NCOR2: variants seen among roughly 807,000 people sequenced by gnomAD.
The protein encoded by NCOR2 is CTG repeat protein 26.
A neutral mutation model predicts 262.9 loss-of-function variants in NCOR2; 81 were observed. The ratio of observed to expected loss-of-function variants is 0.31; its 90% CI spans 0.26 to 0.37. The LOEUF is 0.37. Among genes scored for constraint, NCOR2 ranks in the 10% least tolerant of loss-of-function variants. The pLI, the probability that NCOR2 is intolerant of heterozygous loss-of-function variation, is 1.00. For missense variants in NCOR2, 3,385 were observed against 3,621.4 expected (o/e 0.93, Z 1.68); for synonymous variants, 1,659 against 1,559.3 (o/e 1.06, Z -1.51).
chr12:124,391,960 C>T (rs1489034351), intron 16 of NCOR2, among the ~76,000 whole-genome samples: 1 of 152,226 alleles, frequency 6.6e-6, no homozygotes, highest in East Asian at 1.9e-4. Flanking sequence ...GCCCTGTGTC[C>T]ACCGCAGTGG....
At chr12:124,347,488 C>T (rs558625907) in intron 30 of NCOR2, 1 of 315,448 alleles carries the variant, frequency 3.2e-6, no homozygotes, top group East Asian at 5.6e-5. Flanking sequence ...TCTCGGAGCT[C>T]TCCAAGCCTC....
intron 17 of NCOR2, among the ~76,000 whole-genome samples, chr12:124,382,908 C>G (rs873206): frequency 0.43 from 66,054 of 152,146 alleles, 16,516 homozygotes; most frequent in Middle Eastern, 0.57. Flanking sequence ...GAGGTGGAAA[C>G]TGAAGCACGG....
At chr12:124,447,694 C>CT (rs201698986) in intron 7 of NCOR2, among the ~76,000 whole-genome samples, 15 of 148,352 alleles carry the variant, frequency 1.0e-4, no homozygotes, top group Admixed American at 3.3e-4. Flanking sequence ...TTTTTTCTTT[C>CT]TTTCTTTTTT....
intron 13 of NCOR2, among the ~76,000 whole-genome samples, chr12:124,413,084 G>C (rs982975037): frequency 6.6e-6 from 1 of 152,172 alleles, no homozygotes; most frequent in Non-Finnish European, 1.5e-5. Flanking sequence ...CCCCTCCCTC[G>C]GGATCCCACC....
rs2137313612 is a variant in NCOR2, at chr12:124,566,592, C to T, written c.-165+716G>A. On this transcript the variant is annotated intron_variant, in intron 1 of 32. Transcript: ENST00000458234. This position sits in a 1 kb window ranked among gnomAD's most constrained non-coding sequence, Gnocchi z 4.3. ...CCCAGTCGTGCCCAAGTGGGATCAG[C>T]TCTGAATTCCAACTTCGCAAAGTAG... Among the ~76,000 whole-genome samples, 1 of 152,374 alleles carries T rather than the reference C, an allele frequency of 6.6e-6. No individual in the cohort carries two copies. The highest frequency in any genetic ancestry group is 1.5e-5 in the Non-Finnish European group (1 of 68,034).
intron 39 of NCOR2, 38 bp from the exon 42 acceptor site, chr12:124,335,318 G>A: frequency 6.5e-7 from 1 of 1,531,440 alleles, no homozygotes; most frequent in Non-Finnish European, 8.8e-7. Context: ...GGTGTCTGCT[G>A]GCCCCAGGGC....
Position 124,548,229 on chromosome 12 carries a change from C to G in NCOR2, c.-164-12618G>C, listed in dbSNP as rs2137248166. Among the ~76,000 whole-genome samples the G allele has an allele frequency of 6.6e-6, 1 of 152,176 alleles. No homozygotes were observed. The highest frequency in any genetic ancestry group is 1.9e-4 in the East Asian group (1 of 5,190). ...GTGTCAATATGCAGGGAACAGCATT[C>G]CAGGTGGGGGGAACAACAAACGCGA... is the stretch of plus-strand genomic sequence containing the variant. On this transcript the variant is annotated intron_variant, in intron 1 of 32. Transcript: ENST00000458234. The surrounding 1 kb of genome is among the most constrained non-coding windows in gnomAD (Gnocchi z 5.1).
Position 124,523,676 on chromosome 12 carries a change from TAAGA to T in NCOR2, c.-118+11885_-118+11888del, listed in dbSNP as rs1340248349. ...CAAAAAACCGAAAAACAATCTGTTT[TAAGA>T]AAGTTTACAAATTTGTGTTGGGCTG... is the stretch of plus-strand genomic sequence containing the variant. On this transcript the variant is annotated intron_variant, in intron 1 of 46. Coordinates refer to the NCOR2 transcript ENST00000404621. The surrounding 1 kb of genome is among the most constrained non-coding windows in gnomAD (Gnocchi z 4.0). Among the ~76,000 whole-genome samples the T allele has an allele frequency of 6.6e-6, 1 of 151,970 alleles. No homozygotes were observed. Among genetic ancestry groups the T allele is most frequent in the Non-Finnish European group, 1.5e-5 (1 of 67,992 alleles).
intron 30 of NCOR2, 179 bp downstream of exon 32, chr12:124,347,646 A>G (rs1456813688): frequency 6.4e-6 from 4 of 625,482 alleles, no homozygotes; most frequent in Non-Finnish European, 1.1e-5. Flanking sequence ...TTGTTTTGAA[A>G]TAAGTAAGAG....
intron 16 of NCOR2, chr12:124,388,875 AGG>A (rs2041040492): frequency 1.2e-4 from 14 of 115,034 alleles, no homozygotes; most frequent in Admixed American, 8.7e-4. Flanking sequence ...TGAGGGAGGG[AGG>A]GAGGGAGGGA....
chr12:124,365,994 C>T (rs925675731), intron 20 of NCOR2, among the ~76,000 whole-genome samples: 1 of 152,188 alleles, frequency 6.6e-6, no homozygotes, highest in Non-Finnish European at 1.5e-5. Context: ...CCAGCTCGCA[C>T]TTGCAAGCTG....
chr12:124,479,092 G>A (rs979076241), intron 3 of NCOR2, among the ~76,000 whole-genome samples: 1 of 151,964 alleles, frequency 6.6e-6, no homozygotes, highest in Admixed American at 6.5e-5. Context: ...CTGGAGAGGC[G>A]GGCAGGCAGC....
chr12:124,525,346 T>A (rs181583870), intron 1 of NCOR2, among the ~76,000 whole-genome samples: 1 of 152,092 alleles, frequency 6.6e-6, no homozygotes, highest in Admixed American at 6.5e-5. Flanking sequence ...CTAAAATGAG[T>A]CCCCCGAAAC....
intron 26 of NCOR2, 92 bp from the exon 29 acceptor site, chr12:124,354,288 A>C (rs1258197352): frequency 4.5e-6 from 6 of 1,340,172 alleles, no homozygotes; most frequent in Non-Finnish European, 4.1e-6. Flanking sequence ...TGAGAGACCC[A>C]CAAGTTGTGC....
exon 47 of NCOR2, chr12:124,324,697 A>T (rs1395171510): frequency 6.6e-6 from 1 of 152,470 alleles, no homozygotes; most frequent in African/African-American, 2.4e-5. Context: ...AAAACATCTG[A>T]ATTAATTCAT....
intron 35 of NCOR2, 22 bp from the exon 38 acceptor site, chr12:124,340,465 G>A: frequency 6.2e-7 from 1 of 1,608,278 alleles, no homozygotes; most frequent in Non-Finnish European, 8.5e-7. Flanking sequence ...AAAGGCCAGA[G>A]ACTCAGCCCC....
chr12:124,381,745 AG>A (rs1433692532), intron 17 of NCOR2, among the ~76,000 whole-genome samples: 2 of 152,254 alleles, frequency 1.3e-5, no homozygotes, highest in Non-Finnish European at 2.9e-5. Flanking sequence ...GATTAACAGC[AG>A]AAAACAAGGC....
intron 20 of NCOR2, among the ~76,000 whole-genome samples, chr12:124,366,438 G>T (rs2039042736): frequency 1.3e-5 from 2 of 152,192 alleles, no homozygotes; most frequent in Non-Finnish European, 1.5e-5. Context: ...TGGGAGGAGG[G>T]AGGATAGGGG....
intron 1 of NCOR2, among the ~76,000 whole-genome samples, chr12:124,554,397 G>A (rs1018008589): frequency 1.3e-5 from 2 of 151,686 alleles, no homozygotes; most frequent in Non-Finnish European, 2.9e-5. Flanking sequence ...CCACCCAGCT[G>A]GGCATCCAGA....
Sources: gnomAD v4.1 joint callset for allele counts (sites outside exome capture counted in the v4.1 genomes callset) on GRCh38, gnomAD v4.1.1 for gene constraint, Gnocchi (gnomAD v3.1) non-coding constraint, MANE v1.5 for transcripts, NCBI Gene and HGNC (gene_info 2026-07-23, HGNC 2026-07-21) for gene names.